NRXN1: variants seen among roughly 807,000 people sequenced by gnomAD.
The protein encoded by NRXN1 is neurexin-1.
A neutral mutation model predicts 150.9 loss-of-function variants in NRXN1; 39 were observed. That is an observed-to-expected ratio of 0.26 (90% CI 0.20 to 0.34). The LOEUF is 0.34. NRXN1 is among the 10% of genes least tolerant of loss of function. The probability of loss-of-function intolerance (pLI) is 1.00; values close to 1 mark genes in which losing one functional copy is unlikely to be tolerated. For synonymous variants in NRXN1, 924 were observed against 757.0 expected (o/e 1.22, Z -3.62); for missense variants, 1,815 against 1,949.9 (o/e 0.93, Z 1.30).
intron 5 of NRXN1, among the ~76,000 whole-genome samples, chr2:50,657,308 G>A (rs931223575): frequency 3.9e-5 from 6 of 151,966 alleles, no homozygotes; most frequent in African/African-American, 1.4e-4. Flanking sequence ...GTTATTCACT[G>A]TGTGCTCTCT....
chr2:50,594,878 A>C (rs1027514194), intron 8 of NRXN1, among the ~76,000 whole-genome samples: 20 of 152,004 alleles, frequency 1.3e-4, no homozygotes, highest in Non-Finnish European at 2.6e-4. Flanking sequence ...CTCAGGGCTA[A>C]TCACTCCACG....
chr2:50,866,425 G>A (rs1298079335), intron 5 of NRXN1, among the ~76,000 whole-genome samples: 2 of 151,868 alleles, frequency 1.3e-5, no homozygotes, highest in Non-Finnish European at 2.9e-5. Flanking sequence ...ATTTTCTTGT[G>A]ATAACTGGGC....
At chr2:50,358,220 A>C (rs2078956894) in intron 17 of NRXN1, among the ~76,000 whole-genome samples, 1 of 152,186 alleles carries the variant, frequency 6.6e-6, no homozygotes, top group South Asian at 2.1e-4. Context: ...CTCGAACGTC[A>C]GCGAGACAGA....
At chr2:50,516,642 A>G (rs868849902) in intron 12 of NRXN1, among the ~76,000 whole-genome samples, 3 of 152,082 alleles carry the variant, frequency 2.0e-5, no homozygotes, top group African/African-American at 4.8e-5. Flanking sequence ...CTACCTGCTG[A>G]CCCATGTAAC....
intron 5 of NRXN1, among the ~76,000 whole-genome samples, chr2:50,635,048 T>A (rs1289360545): frequency 1.3e-5 from 2 of 152,202 alleles, no homozygotes; most frequent in Non-Finnish European, 2.9e-5. Context: ...CTAGTGGCCT[T>A]CTTGTGAGTA....
chr2:50,245,866 T>C (rs566277340), intron 17 of NRXN1, among the ~76,000 whole-genome samples: 336 of 151,932 alleles, frequency 2.2e-3, no homozygotes, highest in African/African-American at 7.7e-3. Context: ...ACCAAGTGTC[T>C]TCTCAATGTC....
At chr2:50,222,663 T>C (rs1249868317) in intron 18 of NRXN1, among the ~76,000 whole-genome samples, 1 of 151,930 alleles carries the variant, frequency 6.6e-6, no homozygotes, top group Non-Finnish European at 1.5e-5. Context: ...TCATAACATG[T>C]AGCAGATGCA....
intron 17 of NRXN1, among the ~76,000 whole-genome samples, chr2:50,249,765 G>A (rs2066866894): frequency 6.6e-6 from 1 of 151,858 alleles, no homozygotes; most frequent in African/African-American, 2.4e-5. Flanking sequence ...AGCCTCCCAA[G>A]TAGCTGGGAT....
intron 5 of NRXN1, among the ~76,000 whole-genome samples, chr2:50,786,262 G>A (rs1359540334): frequency 2.0e-5 from 3 of 152,128 alleles, no homozygotes; most frequent in Admixed American, 6.6e-5. Flanking sequence ...AGTGTGGCAT[G>A]ATGCCGTCTC....
At chr2:50,542,174 G>C (rs189123295) in intron 9 of NRXN1, among the ~76,000 whole-genome samples, 1 of 152,034 alleles carries the variant, frequency 6.6e-6, no homozygotes, top group Non-Finnish European at 1.5e-5. Context: ...TCAGCTACTC[G>C]GGAGGCTGAG....
chr2:50,562,750 C>T (rs763424371), intron 8 of NRXN1, among the ~76,000 whole-genome samples: 22 of 151,964 alleles, frequency 1.4e-4, no homozygotes, highest in Middle Eastern at 3.4e-3. Flanking sequence ...ATTATTTTTC[C>T]GACTTGTAAG....
chr2:50,273,790 G>GGC (rs2070036622), intron 17 of NRXN1, among the ~76,000 whole-genome samples: 1 of 152,034 alleles, frequency 6.6e-6, no homozygotes, highest in Non-Finnish European at 1.5e-5. Context: ...CATCATCACT[G>GGC]CTTATTAGAG....
chr2:49,968,526 A>T (rs1337623316), intron 21 of NRXN1, among the ~76,000 whole-genome samples: 1 of 151,982 alleles, frequency 6.6e-6, no homozygotes, highest in African/African-American at 2.4e-5. Context: ...TCCTCTCTGG[A>T]TATTCTAGTA....
intron 19 of NRXN1, among the ~76,000 whole-genome samples, chr2:50,061,701 A>T (rs1175413465): frequency 6.6e-6 from 1 of 152,196 alleles, no homozygotes. Flanking sequence ...TTCTCATTGA[A>T]TAGTTAAAAG....
chr2:50,693,448 T>A (rs909520464), intron 5 of NRXN1, among the ~76,000 whole-genome samples: 7 of 152,128 alleles, frequency 4.6e-5, no homozygotes, highest in African/African-American at 1.7e-4. Flanking sequence ...ACTGTGGTCC[T>A]TTGGTCCACT....
intron 2 of NRXN1, among the ~76,000 whole-genome samples, chr2:50,999,988 A>G (rs2105076215): frequency 6.6e-6 from 1 of 152,180 alleles, no homozygotes; most frequent in South Asian, 2.1e-4. Context: ...TGTTGAATTT[A>G]GAATAAAATA....
chr2:50,960,442 C>T (rs544415036), intron 2 of NRXN1, among the ~76,000 whole-genome samples: 47 of 151,600 alleles, frequency 3.1e-4, no homozygotes, highest in African/African-American at 9.7e-4. Context: ...TTGAAACCTA[C>T]CAAGGTCTGT....
chr2:50,635,728 T>G (rs1683144986), intron 5 of NRXN1, among the ~76,000 whole-genome samples: 1 of 152,154 alleles, frequency 6.6e-6, no homozygotes, highest in Non-Finnish European at 1.5e-5. Context: ...CCTTAAAGAC[T>G]CTGTGCTGAC....
intron 5 of NRXN1, among the ~76,000 whole-genome samples, chr2:50,702,538 T>C (rs558385085): frequency 7.0e-6 from 1 of 142,644 alleles, no homozygotes; most frequent in South Asian, 2.3e-4. Context: ...TGCACATAAA[T>C]GTATTCATAG....
Sources: gnomAD v4.1 joint callset for allele counts (sites outside exome capture counted in the v4.1 genomes callset) on GRCh38, gnomAD v4.1.1 for gene constraint, MANE v1.5 for transcripts, NCBI Gene and HGNC (gene_info 2026-07-23, HGNC 2026-07-21) for gene names.